Variants in C1orf202 observed in about 807,000 individuals in gnomAD.
C1orf202 encodes the protein chromosome 1 open reading frame 202.
the C1orf202 span, chr1:244,730,451 G>A: frequency 1.1e-5 from 4 of 348,118 alleles, no homozygotes; most frequent in African/African-American, 6.4e-5. Flanking sequence ...CCGGCTCCTC[G>A]TGGCTGACCG....
the C1orf202 span, chr1:244,730,435 G>T: frequency 5.6e-6 from 2 of 354,366 alleles, no homozygotes; most frequent in Non-Finnish European, 1.0e-5. Context: ...GGGGCGCAAC[G>T]GGGGACCGGC....
At chr1:244,730,439 G>T in the C1orf202 span, 1 of 353,674 alleles carries the variant, frequency 2.8e-6, no homozygotes, top group South Asian at 1.3e-4. Flanking sequence ...CGCAACGGGG[G>T]ACCGGCTCCT....
the C1orf202 span, chr1:244,730,684 CG>C: frequency 2.6e-6 from 1 of 383,852 alleles, no homozygotes; most frequent in Non-Finnish European, 4.6e-6. Context: ...GGCCGCGCTC[CG>C]GGGCCTCCTT....
the C1orf202 span, chr1:244,730,592 G>A: frequency 2.6e-6 from 1 of 381,408 alleles, no homozygotes; most frequent in Non-Finnish European, 4.6e-6. Context: ...CAGCCGGTCC[G>A]GCCGCTCCTT....
chr1:244,730,899 G>A, the C1orf202 span: 1 of 385,170 alleles, frequency 2.6e-6, no homozygotes, highest in Non-Finnish European at 4.6e-6. Flanking sequence ...CCGCGCCGGG[G>A]GCCACCAAAC....
the C1orf202 span, chr1:244,730,911 G>T: frequency 2.6e-6 from 1 of 383,516 alleles, no homozygotes; most frequent in East Asian, 3.7e-5. Context: ...CCACCAAACC[G>T]GGGGGCCGCC....
At chr1:244,730,834 AG>A in the C1orf202 span, 4 of 379,102 alleles carry the variant, frequency 1.1e-5, no homozygotes, top group Admixed American at 4.6e-5. Context: ...CCCCGCGCGG[AG>A]GGGGGCCCCG....
chr1:244,730,573 GA>G, the C1orf202 span: 2 of 377,282 alleles, frequency 5.3e-6, no homozygotes, highest in Non-Finnish European at 9.4e-6. Flanking sequence ...CCAGCAGCGG[GA>G]TCTCCTCCAG....
At chr1:244,730,435 G>C in the C1orf202 span, 1 of 354,474 alleles carries the variant, frequency 2.8e-6, no homozygotes, top group Non-Finnish European at 5.1e-6. Flanking sequence ...GGGGCGCAAC[G>C]GGGGACCGGC....
the C1orf202 span, chr1:244,730,510 G>A: frequency 4.2e-5 from 15 of 359,462 alleles, no homozygotes; most frequent in Non-Finnish European, 2.0e-5. Flanking sequence ...GCCCGGGGAC[G>A]CTGCTCTGGG....
the C1orf202 span, chr1:244,730,971 C>A: frequency 0.51 from 187,088 of 367,550 alleles, 48,278 homozygotes; most frequent in Admixed American, 0.59. Flanking sequence ...ATCTCGGGAA[C>A]CGTCGGGCTG....
chr1:244,730,910 C>A, the C1orf202 span: 1 of 384,430 alleles, frequency 2.6e-6, no homozygotes, highest in African/African-American at 2.1e-5. Context: ...GCCACCAAAC[C>A]GGGGGGCCGC....
chr1:244,730,039 GTTGGT>G, the C1orf202 span: 1 of 103,224 alleles, frequency 9.7e-6, no homozygotes, highest in East Asian at 3.4e-4. Flanking sequence ...GGGCAACATA[GTTGGT>G]TTTTTTTTTT....
chr1:244,730,362 G>C, the C1orf202 span: 15 of 316,240 alleles, frequency 4.7e-5, no homozygotes, highest in Non-Finnish European at 8.1e-5. Context: ...TACGGTGCTG[G>C]GGTTACTTTC....
At chr1:244,729,812 C>T in the C1orf202 span, 1 of 152,142 alleles carries the variant, frequency 6.6e-6, no homozygotes, top group Non-Finnish European at 1.5e-5. Context: ...GGTTTCCAAA[C>T]TCCCCTGTCC....
At chr1:244,730,792 G>C in the C1orf202 span, 1 of 377,852 alleles carries the variant, frequency 2.6e-6, no homozygotes, top group Non-Finnish European at 4.7e-6. Context: ...CGCCGTCGCC[G>C]GCCACCGCGC....
the C1orf202 span, chr1:244,730,573 G>T: frequency 4.0e-5 from 15 of 377,174 alleles, no homozygotes; most frequent in Non-Finnish European, 7.1e-5. Flanking sequence ...CCAGCAGCGG[G>T]ATCTCCTCCA....
At chr1:244,730,753 C>CCGCCAG in the C1orf202 span, 3 of 382,136 alleles carry the variant, frequency 7.9e-6, no homozygotes, top group East Asian at 1.1e-4. Flanking sequence ...GGAACAGCCG[C>CCGCCAG]CGCCAGCACC....
the C1orf202 span, chr1:244,729,935 T>G: frequency 6.6e-6 from 1 of 152,076 alleles, no homozygotes; most frequent in African/African-American, 2.4e-5. Flanking sequence ...AAACGATTTT[T>G]TTATTTTTTT....
Sources: allele counts gnomAD v4.1 joint callset, GRCh38; gene constraint gnomAD v4.1.1; transcripts MANE v1.5; gene names NCBI Gene and HGNC (gene_info 2026-07-23, HGNC 2026-07-21).